Variants in MGST1 observed in about 807,000 individuals in gnomAD.
MGST1 encodes the protein glutathione S-transferase 12.
Under a neutral mutation model 8.9 loss-of-function variants are expected in MGST1, and 5 were observed. The ratio of observed to expected loss-of-function variants is 0.56; its 90% CI spans 0.29 to 1.19. The LOEUF is 1.19. MGST1 is among the 50% of genes most tolerant of loss of function. The pLI is 0.08. For missense variants in MGST1, 182 were observed against 187.4 expected (o/e 0.97, Z 0.17); for synonymous variants, 54 against 67.8 (o/e 0.80, Z 1.00).
intron 4 of MGST1, among the ~76,000 whole-genome samples, chr12:16,459,766 A>G (rs1472739666): frequency 6.6e-6 from 1 of 152,036 alleles, no homozygotes; most frequent in African/African-American, 2.4e-5. Context: ...TCTCAACCAC[A>G]TCTTTTGCTC....
exon 1 of MGST1, chr12:16,383,302 A>G (rs1440324247): frequency 6.6e-6 from 1 of 152,266 alleles, no homozygotes; most frequent in African/African-American, 2.4e-5. Flanking sequence ...CTGAGCTAAT[A>G]CTTTTAAAAT....
downstream of MGST1, among the ~76,000 whole-genome samples, chr12:16,378,264 G>A (rs1292611592): frequency 6.6e-6 from 1 of 152,060 alleles, no homozygotes; most frequent in Non-Finnish European, 1.5e-5. Context: ...TTCTTCCAGG[G>A]TTTTTATGGT....
At chr12:16,492,248 A>T (rs758081589) in intron 4 of MGST1, among the ~76,000 whole-genome samples, 3 of 152,168 alleles carry the variant, frequency 2.0e-5, no homozygotes, top group Non-Finnish European at 4.4e-5. Context: ...CACCTGAAAA[A>T]TAGTCATTCT....
chr12:16,378,150 A>G (rs956144847), downstream of MGST1, among the ~76,000 whole-genome samples: 3 of 151,984 alleles, frequency 2.0e-5, no homozygotes, highest in Non-Finnish European at 4.4e-5. Context: ...CTTTCATTTA[A>G]TTAGATCCCA....
At chr12:16,571,777 G>C (rs150029188) in intron 4 of MGST1, among the ~76,000 whole-genome samples, 1 of 151,980 alleles carries the variant, frequency 6.6e-6, no homozygotes, top group Non-Finnish European at 1.5e-5. Context: ...TCTAATCAAA[G>C]TGTAACTGGA....
At chr12:16,421,280 A>G (rs528509984) in intron 1 of MGST1, among the ~76,000 whole-genome samples, 3 of 152,270 alleles carry the variant, frequency 2.0e-5, no homozygotes, top group Admixed American at 6.5e-5. Flanking sequence ...CTCTAAAAAT[A>G]TGGTGACTCC....
chr12:16,590,796 T>C (rs539680053), downstream of MGST1, among the ~76,000 whole-genome samples: 1 of 152,154 alleles, frequency 6.6e-6, no homozygotes, highest in South Asian at 2.1e-4. Flanking sequence ...TGCATCACTT[T>C]AAAATCAAAC....
rs557731870 is a variant in MGST1, at chr12:16,387,186, A to C, written n.778+3582A>C. On this transcript the variant is annotated intron_variant and non_coding_transcript_variant, in intron 1 of 1. Transcript: ENST00000359720. ...AACTTTATCATAGTGCATGACATAC[A>C]TGTATAAATGGGAAAAAAAACAGCA... 2.0e-5 allele frequency among the ~76,000 whole-genome samples: 3 copies of C among 152,264 alleles called. No homozygotes were observed. In the East Asian group the frequency reaches 5.8e-4, roughly 29 times the overall value.
At position 16,401,590 on chromosome 12, in the gene MGST1, G is replaced by A. The variant is rs113951505; in HGVS notation, n.778+17986G>A. 5.5e-5 allele frequency: 78 copies of A among 1,418,590 alleles called. No individual in the cohort carries two copies. In the African/African-American group the frequency reaches 7.2e-4, roughly 13 times the overall value. The allele number at this position is 1,418,590 out of a possible 1,614,324, so 87.9% of individuals were successfully genotyped here. On this transcript the variant is annotated intron_variant and non_coding_transcript_variant, in intron 1 of 1. Transcript: ENST00000359720. The surrounding 1 kb of genome is among the most constrained non-coding windows in gnomAD (Gnocchi z 4.3). The stretch of plus-strand genomic sequence containing the variant: ...AGGTTGGAGCAATAAGACTCGAAGC[G>A]AATACCCATGGCACAAGTGATAGCC...
chr12:16,376,253 T>C (rs1193990137), exon 4 of MGST1: 1 of 613,490 alleles, frequency 1.6e-6, no homozygotes, highest in Non-Finnish European at 2.8e-6. Context: ...AAAATTTATC[T>C]TTTCAACATC....
chr12:16,533,925 C>G (rs1941738643), intron 4 of MGST1, among the ~76,000 whole-genome samples: 1 of 151,998 alleles, frequency 6.6e-6, no homozygotes, highest in East Asian at 1.9e-4. Flanking sequence ...GCAGAGGGAA[C>G]AGCATAGGTA....
At chr12:16,474,552 C>T (rs1941308596) in intron 4 of MGST1, among the ~76,000 whole-genome samples, 1 of 152,182 alleles carries the variant, frequency 6.6e-6, no homozygotes, top group Non-Finnish European at 1.5e-5. Context: ...TGGGCATTGT[C>T]TTAGGCCAGG....
chr12:16,566,948 T>C (rs1050328628), intron 4 of MGST1, among the ~76,000 whole-genome samples: 1 of 152,158 alleles, frequency 6.6e-6, no homozygotes, highest in Non-Finnish European at 1.5e-5. Flanking sequence ...TAGTCATATA[T>C]ATATATGTTA....
At chr12:16,370,736 C>A (rs1940276197) in intron 3 of MGST1, among the ~76,000 whole-genome samples, 1 of 152,116 alleles carries the variant, frequency 6.6e-6, no homozygotes, top group African/African-American at 2.4e-5. Flanking sequence ...CTATTCATTT[C>A]TTCACATTTA....
intron 4 of MGST1, among the ~76,000 whole-genome samples, chr12:16,485,311 C>T (rs186114704): frequency 4.5e-4 from 69 of 152,246 alleles, no homozygotes; most frequent in African/African-American, 1.4e-3. Context: ...GTGTAACGTT[C>T]GGTGTAATAG....
chr12:16,567,921 T>A (rs1419441822), intron 4 of MGST1, among the ~76,000 whole-genome samples: 1 of 152,086 alleles, frequency 6.6e-6, no homozygotes, highest in African/African-American at 2.4e-5. Flanking sequence ...ACTTACTGAG[T>A]AGCGATCATG....
At chr12:16,471,066 A>C (rs763196582) in intron 4 of MGST1, among the ~76,000 whole-genome samples, 3 of 152,216 alleles carry the variant, frequency 2.0e-5, no homozygotes, top group Admixed American at 6.5e-5. Flanking sequence ...TGTCTTTGAT[A>C]CTTTTCCCTG....
At chr12:16,558,318 A>G (rs1336019074) in intron 4 of MGST1, among the ~76,000 whole-genome samples, 1 of 152,064 alleles carries the variant, frequency 6.6e-6, no homozygotes, top group African/African-American at 2.4e-5. Context: ...TCTATTTTCT[A>G]AATTTCCTAC....
chr12:16,428,159 C>T (rs1291845038), intron 1 of MGST1, among the ~76,000 whole-genome samples: 2 of 151,192 alleles, frequency 1.3e-5, no homozygotes, highest in Non-Finnish European at 3.0e-5. Context: ...CATAAATGTC[C>T]CTTCATAGCT....
Sources: allele counts gnomAD v4.1 joint callset (sites outside exome capture counted in the v4.1 genomes callset), GRCh38; gene constraint gnomAD v4.1.1; non-coding constraint Gnocchi (gnomAD v3.1); transcripts MANE v1.5; gene names NCBI Gene and HGNC (gene_info 2026-07-23, HGNC 2026-07-21).